STAU2: variants seen among roughly 807,000 people sequenced by gnomAD.
STAU2 encodes the protein staufen double-stranded RNA binding protein 2.
A neutral mutation model predicts 65.9 loss-of-function variants in STAU2; 20 were observed. That is an observed-to-expected ratio of 0.30 (90% CI 0.21 to 0.44). The LOEUF (loss-of-function observed/expected upper bound fraction) is 0.44. STAU2 is among the 20% of genes least tolerant of loss of function. The pLI, the probability that STAU2 is intolerant of heterozygous loss-of-function variation, is 1.00. For synonymous variants in STAU2, 232 were observed against 233.9 expected (o/e 0.99, Z 0.07); for missense variants, 558 against 683.9 (o/e 0.82, Z 2.05).
intron 3 of STAU2, among the ~76,000 whole-genome samples, chr8:73,735,559 G>A (rs1001976077): frequency 6.6e-6 from 1 of 152,112 alleles, no homozygotes; most frequent in Non-Finnish European, 1.5e-5. Flanking sequence ...TTGGATTTTC[G>A]ATTTTTGGAT....
At chr8:73,544,633 T>C (rs772486381) in intron 13 of STAU2, among the ~76,000 whole-genome samples, 12 of 152,242 alleles carry the variant, frequency 7.9e-5, no homozygotes, top group Non-Finnish European at 1.5e-4. Context: ...AAATATTCCC[T>C]CTGCTATGAA....
chr8:73,728,529 G>A (rs1304828844), intron 3 of STAU2, among the ~76,000 whole-genome samples: 1 of 150,484 alleles, frequency 6.6e-6, no homozygotes, highest in Non-Finnish European at 1.5e-5. Context: ...GATTGCTTTG[G>A]ACAGTATTGC....
intron 10 of STAU2, among the ~76,000 whole-genome samples, chr8:73,599,323 G>A (rs1043231830): frequency 6.6e-6 from 1 of 152,146 alleles, no homozygotes; most frequent in South Asian, 2.1e-4. Context: ...TATTTAGAAA[G>A]GAAAGTCACA....
intron 13 of STAU2, among the ~76,000 whole-genome samples, chr8:73,453,372 C>T (rs1818901155): frequency 2.0e-5 from 3 of 152,222 alleles, no homozygotes; most frequent in Non-Finnish European, 4.4e-5. Context: ...TAATCCCAAA[C>T]ACGTGAATTT....
intron 13 of STAU2, among the ~76,000 whole-genome samples, chr8:73,467,697 G>A (rs559921750): frequency 2.3e-4 from 35 of 152,278 alleles, no homozygotes; most frequent in Middle Eastern, 3.4e-3. Context: ...AGCCAGACAA[G>A]AAGCCGTGTC....
chr8:73,565,749 T>C (rs1808557497), intron 12 of STAU2, among the ~76,000 whole-genome samples: 1 of 152,246 alleles, frequency 6.6e-6, no homozygotes, highest in South Asian at 2.1e-4. Context: ...TAAGCTCATA[T>C]TTATTTCAAT....
intron 4 of STAU2, among the ~76,000 whole-genome samples, chr8:73,695,880 G>A (rs553508019): frequency 6.4e-4 from 98 of 152,282 alleles, no homozygotes; most frequent in Admixed American, 1.4e-3. Flanking sequence ...AATTGCTAAG[G>A]TTTTTGACTC....
chr8:73,571,958 G>C (rs1372848973), intron 12 of STAU2, among the ~76,000 whole-genome samples: 1 of 152,090 alleles, frequency 6.6e-6, no homozygotes. Context: ...AATGAATCCA[G>C]GAAGCGGTTT....
At chr8:73,709,294 T>A in intron 3 of STAU2, 132 bp from the exon 4 acceptor site, 1 of 771,694 alleles carries the variant, frequency 1.3e-6, no homozygotes, top group Non-Finnish European at 1.9e-6. Context: ...AAAATTCAAA[T>A]TACCTAATGT....
intron 13 of STAU2, among the ~76,000 whole-genome samples, chr8:73,464,009 T>C (rs1819512115): frequency 6.6e-6 from 1 of 152,330 alleles, no homozygotes; most frequent in East Asian, 1.9e-4. Flanking sequence ...AGGAAACATC[T>C]TTAGTACACC....
intron 13 of STAU2, among the ~76,000 whole-genome samples, chr8:73,505,785 G>A (rs926439988): frequency 6.6e-6 from 1 of 151,976 alleles, no homozygotes; most frequent in African/African-American, 2.4e-5. Flanking sequence ...ATCTCATGTT[G>A]AAATGTACTC....
intron 13 of STAU2, among the ~76,000 whole-genome samples, chr8:73,503,356 G>A (rs1821868900): frequency 6.6e-6 from 1 of 152,078 alleles, no homozygotes; most frequent in Admixed American, 6.6e-5. Context: ...AGTAATAGCA[G>A]GGCTCATTTC....
chr8:73,549,670 T>C (rs1276456539), intron 13 of STAU2: 1 of 985,380 alleles, frequency 1.0e-6, no homozygotes, highest in Non-Finnish European at 1.2e-6. Context: ...ATGGCTCTAG[T>C]AGGCTTAAAT....
intron 12 of STAU2, among the ~76,000 whole-genome samples, chr8:73,582,314 A>C (rs1265523483): frequency 6.6e-6 from 1 of 151,914 alleles, no homozygotes; most frequent in Non-Finnish European, 1.5e-5. Flanking sequence ...GAAAACAATA[A>C]AATTTTATGT....
At chr8:73,437,421 T>C (rs913593283) in intron 13 of STAU2, among the ~76,000 whole-genome samples, 3 of 152,052 alleles carry the variant, frequency 2.0e-5, no homozygotes, top group Admixed American at 6.5e-5. Context: ...GAAGGGGCCA[T>C]GAACCCAGGA....
chr8:73,702,275 G>T (rs1432096457), intron 4 of STAU2, among the ~76,000 whole-genome samples: 4 of 152,122 alleles, frequency 2.6e-5, no homozygotes, highest in Middle Eastern at 3.2e-3. Context: ...AAATGCTTGA[G>T]GCTTTGGATA....
intron 13 of STAU2, among the ~76,000 whole-genome samples, chr8:73,476,564 A>C (rs895571609): frequency 2.0e-5 from 3 of 152,350 alleles, no homozygotes; most frequent in African/African-American, 7.2e-5. Context: ...TTCCTTGATC[A>C]CAGCTGTATA....
intron 13 of STAU2, among the ~76,000 whole-genome samples, chr8:73,484,436 T>C (rs1820804218): frequency 6.6e-6 from 1 of 152,116 alleles, no homozygotes; most frequent in African/African-American, 2.4e-5. Flanking sequence ...TGGAAATTCT[T>C]AGTCTTTAAA....
In STAU2 at chr8:73,746,790, C is replaced by G; in HGVS notation, c.-204G>C. 8.1e-7 allele frequency: 1 copy of G among 1,232,188 alleles called. No homozygotes were observed. Among genetic ancestry groups the G allele is most frequent in the Non-Finnish European group, 1.0e-6 (1 of 987,012 alleles). 76.3% of individuals were successfully genotyped at this position (1,232,188 alleles called of 1,614,324 possible). The stretch of plus-strand genomic sequence containing the variant: ...CCCGATGAGGGTATTTACCTTCTTG[C>G]CGGGGACACTTTGCAGACGGCTCCA... On this transcript the variant is annotated 5_prime_UTR_variant, in exon 1 of 15. Coordinates refer to ENST00000524300, the MANE Select transcript of STAU2 (RefSeq NM_001164380.2).
Sources: allele counts gnomAD v4.1 joint callset (sites outside exome capture counted in the v4.1 genomes callset), GRCh38; gene constraint gnomAD v4.1.1; transcripts MANE v1.5; gene names NCBI Gene and HGNC (gene_info 2026-07-23, HGNC 2026-07-21).